The following SYCP3 variants were observed in gnomAD, a reference collection of about 807,000 sequenced individuals.
SYCP3 encodes synaptonemal complex protein 3.
In SYCP3, 29 loss-of-function variants were observed where a neutral mutation model predicts 38.5. The ratio of observed to expected loss-of-function variants is 0.75; its 90% confidence interval spans 0.56 to 1.03. The LOEUF (loss-of-function observed/expected upper bound fraction) is 1.03, where lower values mean the gene tolerates loss of function less well. Ranked by LOEUF, SYCP3 falls within the 50% of genes least tolerant of loss-of-function variation. The pLI is 0.00. For missense variants in SYCP3, 242 were observed against 270.7 expected (o/e 0.89, Z 0.74); for synonymous variants, 79 against 80.3 (o/e 0.98, Z 0.08).
chr12:101,738,262 GAA>G (rs34763936), intron 1 of SYCP3, among the ~76,000 whole-genome samples: 2 of 128,246 alleles, frequency 1.6e-5, no homozygotes, highest in Non-Finnish European at 3.4e-5. Flanking sequence ...CGTCTCTACT[GAA>G]AAAAAAAAAC....
At chr12:101,736,907 A>T (rs977587987) in intron 4 of SYCP3, 130 bp downstream of exon 4, 1 of 827,870 alleles carries the variant, frequency 1.2e-6, no homozygotes, top group East Asian at 2.7e-5. Flanking sequence ...ACAAATACTT[A>T]TGCAGAATCT....
intron 5 of SYCP3, among the ~76,000 whole-genome samples, chr12:101,734,212 A>C (rs1952308170): frequency 6.6e-6 from 1 of 152,180 alleles, no homozygotes; most frequent in African/African-American, 2.4e-5. Flanking sequence ...CATAAGACTA[A>C]CGGTTTTTAT....
intron 1 of SYCP3, among the ~76,000 whole-genome samples, chr12:101,739,064 G>A (rs905992536): frequency 6.6e-6 from 1 of 152,232 alleles, no homozygotes; most frequent in African/African-American, 2.4e-5. Context: ...CGCCCTCGGC[G>A]TGGAGCGGGC....
chr12:101,738,883 C>T (rs2137082511), intron 1 of SYCP3, among the ~76,000 whole-genome samples: 1 of 152,318 alleles, frequency 6.6e-6, no homozygotes, highest in African/African-American at 2.4e-5. Flanking sequence ...TCTAGCAGGG[C>T]GCTCAGTCAC....
At chr12:101,739,147 G>A in intron 1 of SYCP3, 3 of 709,874 alleles carry the variant, frequency 4.2e-6, no homozygotes, top group Non-Finnish European at 5.2e-6. Context: ...TGGTCCCAGG[G>A]TGTAGCGATG....
At chr12:101,734,654 G>A (rs180865124) in intron 5 of SYCP3, among the ~76,000 whole-genome samples, 19 of 152,144 alleles carry the variant, frequency 1.2e-4, no homozygotes, top group Middle Eastern at 3.4e-3. Flanking sequence ...AGAGTGCAGT[G>A]TCACGACCTT....
chr12:101,732,995 ATTGG>A (rs1426214613), intron 6 of SYCP3: 2 of 152,450 alleles, frequency 1.3e-5, no homozygotes, highest in African/African-American at 4.8e-5. Context: ...TTCATCCACG[ATTGG>A]TTGAATACAC....
chr12:101,733,246 G>A lies in SYCP3; in HGVS notation c.453+329C>T, dbSNP rs756827999. Reference sequence around the variant, plus strand: ...TAAGTACTGATGACAGAACCCAGATGACACTACATGAGCAACCCCCTCCCT... The same window carrying A: ...TAAGTACTGATGACAGAACCCAGATAACACTACATGAGCAACCCCCTCCCT... On this transcript the variant is annotated intron_variant, in intron 6 of 8. Coordinates refer to ENST00000392924, the MANE Select transcript of SYCP3 (RefSeq NM_001177949.2). 247 of 299,390 alleles carry A rather than the reference G, an allele frequency of 8.3e-4. 1 individual carries two copies. In the Middle Eastern group the frequency reaches 8.9e-3, roughly 11 times the overall value. The allele number at this position is 299,390 out of a possible 1,614,324, so 18.5% of individuals were successfully genotyped here.
rs776203589 is a variant in SYCP3 at position 101,729,159 on chromosome 12, C to G, written c.607G>C (p.Glu203Gln). Residue 203 changes from glutamate to glutamine, a missense_variant, in exon 8 of 9, where the codon GAA becomes CAA. Glu to Gln is a conservative substitution (Grantham distance 29). Transcript: ENST00000392924. ...HDNLLTGAQN[E>Q]FKKEMAMLQK... ...AACATAGCCATTTCTTTTTTAAATT[C>G]ATTTTGTGCACCAGTAAGTAGATTA... 2 of 1,612,414 alleles carry G rather than the reference C, an allele frequency of 1.2e-6. No individual in the cohort carries two copies. The highest frequency in any genetic ancestry group is 2.2e-5 in the South Asian group (2 of 90,842).
At chr12:101,739,302 G>C (rs1214954391) in intron 1 of SYCP3, 49 bp downstream of exon 1, 3 of 1,002,476 alleles carry the variant, frequency 3.0e-6, no homozygotes, top group Non-Finnish European at 3.6e-6. Flanking sequence ...GTCAAGGGCA[G>C]CCTCTGGCCT....
chr12:101,734,699 G>A (rs7976805), intron 5 of SYCP3, among the ~76,000 whole-genome samples: 4,979 of 151,982 alleles, frequency 0.033, 279 homozygotes, highest in African/African-American at 0.11. Flanking sequence ...AGGTTCAAGC[G>A]AGCACGCCTG....
At chr12:101,737,013 A>G (rs766518289) in intron 4 of SYCP3, 24 bp downstream of exon 4, 1 of 1,612,138 alleles carries the variant, frequency 6.2e-7, no homozygotes, top group African/African-American at 1.3e-5. Context: ...TTTTCTTTAA[A>G]TACAAGTATC....
chr12:101,732,200 T>C (rs551685544), intron 6 of SYCP3: 1 of 153,770 alleles, frequency 6.5e-6, no homozygotes, highest in Non-Finnish European at 1.4e-5. Context: ...CAAAACAGTA[T>C]TGTTGCTGGC....
intron 4 of SYCP3, among the ~76,000 whole-genome samples, chr12:101,735,388 C>T (rs576721538): frequency 1.8e-4 from 27 of 152,240 alleles, no homozygotes; most frequent in African/African-American, 4.8e-4. Context: ...GTAGGCCAGA[C>T]GCGGTGGCTC....
In SYCP3 at chr12:101,728,921, G is replaced by T. The variant is rs1594156626; in HGVS notation, c.*6C>A. ...CTTAGGTTCAAGTTCTTTCTTCAAA[G>T]AGTCATCAGAATAACATGGATTGAA... On this transcript the variant is annotated 3_prime_UTR_variant, in exon 9 of 9. Coordinates refer to ENST00000392924, the MANE Select transcript of SYCP3 (RefSeq NM_001177949.2). 6.2e-7 allele frequency: 1 copy of T among 1,613,452 alleles called. No homozygotes were observed. The highest frequency in any genetic ancestry group is 8.5e-7 in the Non-Finnish European group (1 of 1,179,668).
intron 2 of SYCP3, 104 bp downstream of exon 2, chr12:101,737,699 A>C: frequency 6.6e-7 from 1 of 1,517,590 alleles, no homozygotes; most frequent in Non-Finnish European, 9.1e-7. Flanking sequence ...GGGAGGGAAG[A>C]CCATACCTGA....
intron 7 of SYCP3, among the ~76,000 whole-genome samples, chr12:101,731,003 T>A (rs1350318792): frequency 6.6e-6 from 1 of 152,154 alleles, no homozygotes; most frequent in Non-Finnish European, 1.5e-5. Context: ...CAGACTACAA[T>A]TTGCTAATAT....
chr12:101,729,122 A>ATT lies in SYCP3; in HGVS notation c.642_643dup (p.Ile215LysfsTer3). 5 of 1,598,324 alleles carry ATT rather than the reference A, an allele frequency of 3.1e-6. No homozygotes were observed. The highest frequency in any genetic ancestry group is 4.3e-6 in the Non-Finnish European group (5 of 1,168,634). ...ATGATCACTTACAGTTTCCATCATA[A>ATT]TTTTTTTTTGCAACATAGCCATTTC... On this transcript the variant is annotated frameshift_variant, in exon 8 of 9. Transcript: ENST00000392924. LOFTEE classifies it high-confidence loss of function.
At chr12:101,737,653 A>T in intron 2 of SYCP3, 150 bp downstream of exon 2, 1 of 1,032,718 alleles carries the variant, frequency 9.7e-7, no homozygotes, top group Non-Finnish European at 1.5e-6. Flanking sequence ...ACAGCTGGCC[A>T]TCCGTGTCAG....
Sources: allele counts gnomAD v4.1 joint callset (sites outside exome capture counted in the v4.1 genomes callset), GRCh38; gene constraint gnomAD v4.1.1; transcripts MANE v1.5; gene names NCBI Gene and HGNC (gene_info 2026-07-23, HGNC 2026-07-21).